UROS: variants seen among roughly 807,000 people sequenced by gnomAD.
UROS encodes uroporphyrinogen III synthase, also known as uroporphyrinogen-III synthase.
A neutral mutation model predicts 33.0 loss-of-function variants in UROS; 18 were observed. The observed-to-expected ratio is 0.55, with a 90% CI of 0.38 to 0.81. UROS has a LOEUF of 0.81. Ranked by LOEUF, UROS falls within the 30% of genes least tolerant of loss-of-function variation. UROS has a pLI of 0.00. For synonymous variants in UROS, 114 were observed against 121.1 expected (o/e 0.94, Z 0.38); for missense variants, 293 against 314.9 (o/e 0.93, Z 0.53).
At chr10:125,785,224 G>A (rs1850608141), downstream of UROS, 1 of 152,178 alleles carries the variant, frequency 6.6e-6, no homozygotes, top group Non-Finnish European at 1.5e-5. Flanking sequence ...TGTCATCTCA[G>A]GGCCCAAGAT....
intron 6 of UROS, chr10:125,802,094 AAAG>A (rs1851879791): frequency 2.0e-6 from 2 of 985,476 alleles, no homozygotes; most frequent in Non-Finnish European, 2.4e-6. Context: ...TACATTTTTA[AAAG>A]AAGGGCTTTG....
intron 6 of UROS, among the ~76,000 whole-genome samples, chr10:125,803,497 G>A (rs556652557): frequency 1.3e-3 from 191 of 152,324 alleles, no homozygotes; most frequent in African/African-American, 4.4e-3. Flanking sequence ...TTTAAAGAAT[G>A]CTCTTTTTAC....
downstream of UROS, among the ~76,000 whole-genome samples, chr10:125,786,942 G>C (rs1229494002): frequency 6.6e-6 from 1 of 152,186 alleles, no homozygotes; most frequent in Non-Finnish European, 1.5e-5. Context: ...AATTGCCAAA[G>C]CAAGCCCAGG....
intron 9 of UROS, 137 bp from the exon 10 acceptor site, chr10:125,789,142 A>C: frequency 7.0e-7 from 1 of 1,436,932 alleles, no homozygotes; most frequent in Non-Finnish European, 9.5e-7. Flanking sequence ...TATAAAAATG[A>C]CAACACTGCC....
At chr10:125,816,120 C>T in intron 3 of UROS, 57 bp downstream of exon 3, 1 of 1,507,282 alleles carries the variant, frequency 6.6e-7, no homozygotes, top group East Asian at 2.2e-5. Context: ...TCTCTGGCTT[C>T]AGCTGGCAAG....
intron 6 of UROS, among the ~76,000 whole-genome samples, chr10:125,803,379 T>A (rs1852002069): frequency 6.6e-6 from 1 of 152,238 alleles, no homozygotes; most frequent in Non-Finnish European, 1.5e-5. Flanking sequence ...GGAAGCTGCC[T>A]GCCAGCAAGC....
chr10:125,811,093 T>C (rs990305831), intron 5 of UROS, among the ~76,000 whole-genome samples: 10 of 152,212 alleles, frequency 6.6e-5, no homozygotes, highest in Non-Finnish European at 1.2e-4. Flanking sequence ...ATTCATTGTA[T>C]CACCATAGTC....
intron 6 of UROS, among the ~76,000 whole-genome samples, chr10:125,805,285 T>C (rs1422186575): frequency 1.3e-5 from 2 of 152,222 alleles, no homozygotes; most frequent in Non-Finnish European, 1.5e-5. Flanking sequence ...TCTTCATCCC[T>C]GCAGGAGCCC....
rs1399910422 is a variant in UROS at position 125,816,471 on chromosome 10, T to G, written c.29A>C (p.Lys10Thr). 6.2e-7 allele frequency: 1 copy of G among 1,614,210 alleles called. No homozygotes were observed. MKVLLLKDA[K>T]EDDCGQDPYI... is the part of the protein sequence containing the mutation. ...CGGATCCTGGCCACAGTCATCTTCC[T>G]TCGCATCCTTCAGTAAAAGAACCTT... Residue 10 changes from lysine to threonine, a missense_variant, in exon 2 of 10, where the codon AAG becomes ACG. Coordinates refer to ENST00000368797, the MANE Select transcript of UROS (RefSeq NM_000375.3).
At position 125,790,760 on chromosome 10, in the gene UROS, GCAA is replaced by G. The variant is rs550376176; in HGVS notation, c.661-1758_661-1756del. On this transcript the variant is annotated intron_variant, in intron 9 of 9. Coordinates refer to ENST00000368797, the MANE Select transcript of UROS (RefSeq NM_000375.3). ...ATCGTGCCACTGCACTCCAACCTGG[GCAA>G]CGAGAGCAAAACTCCATCTCAAAAA... Among the ~76,000 whole-genome samples the G allele has an allele frequency of 4.5e-3, 641 of 142,854 alleles. 3 individuals are homozygous for G. The highest frequency in any genetic ancestry group is 0.015 in the African/African-American group (593 of 38,374). 93.7% of individuals were successfully genotyped at this position (142,854 alleles called of 152,430 possible).
chr10:125,815,256 C>T (rs575808044), intron 3 of UROS, 126 bp from the exon 4 acceptor site: 4 of 1,010,014 alleles, frequency 4.0e-6, no homozygotes, highest in Admixed American at 2.0e-5. Context: ...TTCCACCCAT[C>T]CCCCCAACAC....
intron 7 of UROS, 27 bp downstream of exon 7, chr10:125,798,038 G>T (rs747516472): frequency 5.6e-6 from 9 of 1,612,914 alleles, no homozygotes; most frequent in Non-Finnish European, 7.6e-6. Context: ...AAAGTGGTAA[G>T]GGATGCAGTC....
intron 6 of UROS, among the ~76,000 whole-genome samples, chr10:125,805,848 T>C (rs1180793913): frequency 1.3e-5 from 2 of 152,108 alleles, no homozygotes; most frequent in African/African-American, 4.8e-5. Context: ...ACACCGAGCA[T>C]GTAGTGACTC....
chr10:125,809,906 G>A (rs907816315), intron 5 of UROS, among the ~76,000 whole-genome samples: 32 of 152,138 alleles, frequency 2.1e-4, no homozygotes, highest in Non-Finnish European at 4.0e-4. Flanking sequence ...AATAATACCT[G>A]TAAAATTATG....
In UROS at chr10:125,788,614, T is replaced by C; in HGVS notation, c.*254A>G. On this transcript the variant is annotated 3_prime_UTR_variant, in exon 10 of 10. Coordinates refer to ENST00000368797, the MANE Select transcript of UROS (RefSeq NM_000375.3). ...AGGTAGTCAGTGTGGTTTATTTGACTTCCTTCCTGCTGGGCACAGGAAGCT... is the reference window on the plus strand; with the variant it reads ...AGGTAGTCAGTGTGGTTTATTTGACCTCCTTCCTGCTGGGCACAGGAAGCT... 7.1e-7 allele frequency: 1 copy of C among 1,400,850 alleles called. No individual in the cohort carries two copies. Among genetic ancestry groups the C allele is most frequent in the Non-Finnish European group, 9.3e-7 (1 of 1,079,994 alleles). The allele number at this position is 1,400,850 out of a possible 1,614,324, so 86.8% of individuals were successfully genotyped here. A position where few individuals can be genotyped will look rare whatever the true frequency, so the allele number is the denominator to read the frequency against.
At chr10:125,807,965 G>A (rs938347097) in intron 5 of UROS, among the ~76,000 whole-genome samples, 5 of 152,136 alleles carry the variant, frequency 3.3e-5, no homozygotes, top group Admixed American at 2.6e-4. Context: ...AAGGTGTTAT[G>A]GCTTGACATG....
intron 1 of UROS, among the ~76,000 whole-genome samples, chr10:125,816,839 CAACA>C (rs1853373768): frequency 6.6e-6 from 1 of 152,138 alleles, no homozygotes; most frequent in Non-Finnish European, 1.5e-5. Flanking sequence ...GTTGTATCAA[CAACA>C]AACAGAGAAA....
At chr10:125,786,605 C>T (rs899442632), downstream of UROS, among the ~76,000 whole-genome samples, 1 of 152,200 alleles carries the variant, frequency 6.6e-6, no homozygotes, top group East Asian at 1.9e-4. Flanking sequence ...CCCAGACCCT[C>T]AGATTCCTGG....
At position 125,797,965 on chromosome 10, in the gene UROS, T is replaced by G. The variant is rs933130809; in HGVS notation, c.475+100A>C. 11 of 1,401,322 alleles carry G rather than the reference T, an allele frequency of 7.8e-6. No individual in the cohort carries two copies. The African/African-American group carries it at 1.4e-4, about 18-fold the overall frequency. 86.8% of individuals were successfully genotyped at this position (1,401,322 alleles called of 1,614,324 possible). A position where few individuals can be genotyped will look rare whatever the true frequency, so the allele number is the denominator to read the frequency against. On this transcript the variant is annotated intron_variant, in intron 7 of 9. Transcript: ENST00000368797. The stretch of plus-strand genomic sequence containing the variant: ...TGGCTTATCCAACCCAGCCCTGCTC[T>G]CCCTTGTGTGCTCTCTGCAGGGCCA...
Sources: gnomAD v4.1 joint callset for allele counts (sites outside exome capture counted in the v4.1 genomes callset) on GRCh38, gnomAD v4.1.1 for gene constraint, MANE v1.5 for transcripts, NCBI Gene and HGNC (gene_info 2026-07-23, HGNC 2026-07-21) for gene names.